Variants in YTHDC2 observed in about 807,000 individuals in gnomAD.
The protein encoded by YTHDC2 is 3'-5' RNA helicase YTHDC2.
Under a neutral mutation model 174.9 loss-of-function variants are expected in YTHDC2, and 45 were observed. The observed-to-expected ratio is 0.26, with a 90% confidence interval of 0.20 to 0.33. The LOEUF (loss-of-function observed/expected upper bound fraction) is 0.33. Among genes scored for constraint, YTHDC2 ranks in the 10% least tolerant of loss-of-function variants. The pLI is 1.00. For synonymous variants in YTHDC2, 657 were observed against 574.5 expected (o/e 1.14, Z -2.05); for missense variants, 1,650 against 1,723.7 (o/e 0.96, Z 0.76).
chr5:113,552,485 A>C (rs1776311760), intron 12 of YTHDC2, among the ~76,000 whole-genome samples: 1 of 152,146 alleles, frequency 6.6e-6, no homozygotes, highest in South Asian at 2.1e-4. Flanking sequence ...TTAGCATAAA[A>C]TATCCATGTT....
chr5:113,544,993 C>G (rs752416146), intron 10 of YTHDC2, among the ~76,000 whole-genome samples: 2 of 151,996 alleles, frequency 1.3e-5, no homozygotes, highest in Non-Finnish European at 2.9e-5. Context: ...ATTTAATCAT[C>G]ATGTACTTGT....
intron 9 of YTHDC2, 110 bp downstream of exon 9, chr5:113,541,226 C>A: frequency 8.1e-7 from 1 of 1,230,248 alleles, no homozygotes; most frequent in Non-Finnish European, 1.1e-6. Flanking sequence ...GAGTCTGGCT[C>A]TGTGGCCCAG....
chr5:113,579,644 T>G lies in YTHDC2; in HGVS notation c.3303T>G (p.Asn1101Lys). ...DSEMEDKTTA[N>K]LAALKLDEWL... The stretch of plus-strand genomic sequence containing the variant: ...AAATGGAGGACAAAACTACAGCTAA[T>G]TTGGCAGCCTTGAAACTTGATGAGT... Residue 1101 changes from asparagine (N) to lysine (K), a missense_variant, in exon 24 of 30, where the codon AAT (asparagine) becomes AAG (lysine). By Grantham distance (94) the Asn-to-Lys change is moderately conservative. Coordinates refer to ENST00000161863, the MANE Select transcript of YTHDC2 (RefSeq NM_022828.5). The G allele has an allele frequency of 6.2e-7, 1 of 1,610,996 alleles. No individual in the cohort carries two copies. The highest frequency in any genetic ancestry group is 8.5e-7 in the Non-Finnish European group (1 of 1,178,304).
At chr5:113,587,886 C>A (rs968144023) in intron 26 of YTHDC2, among the ~76,000 whole-genome samples, 4 of 151,746 alleles carry the variant, frequency 2.6e-5, no homozygotes, top group Non-Finnish European at 5.9e-5. Context: ...TCTTCTAATC[C>A]ATAAGCATAG....
At chr5:113,517,221 C>T (rs1773493151) in intron 2 of YTHDC2, among the ~76,000 whole-genome samples, 1 of 152,116 alleles carries the variant, frequency 6.6e-6, no homozygotes, top group South Asian at 2.1e-4. Context: ...TCAGTTTAAT[C>T]ACGTGATCAC....
intron 1 of YTHDC2, chr5:113,514,408 G>T: frequency 1.8e-6 from 1 of 541,848 alleles, no homozygotes; most frequent in South Asian, 1.6e-5. Flanking sequence ...CCCTTTTTAA[G>T]GGGGTGTCAC....
chr5:113,535,767 A>G lies in YTHDC2; in HGVS notation c.1071A>G (p.Ile357Met), dbSNP rs745383855. 2 of 1,611,842 alleles carry G rather than the reference A, an allele frequency of 1.2e-6. No individual in the cohort carries two copies. The highest frequency in any genetic ancestry group is 1.7e-6 in the Non-Finnish European group (2 of 1,179,244). ...SSAALDVNLF[I>M]RYFGSCPVIY... ...CTGCCTTGGATGTAAATCTCTTTAT[A>G]AGATATTTTGGAAGTTGTCCAGTGA... The change falls in exon 7 of 30, where the codon ATA becomes ATG. Residue 357 changes from isoleucine (I) to methionine (M), a missense_variant. By Grantham distance (10) the Ile-to-Met change is conservative. Transcript: ENST00000161863.
At position 113,594,429 on chromosome 5, in the gene YTHDC2, A is replaced by G. The variant is rs1159146765; in HGVS notation, c.*955A>G. The G allele has an allele frequency of 6.6e-6, 1 of 152,214 alleles. No homozygotes were observed. The highest frequency in any genetic ancestry group is 1.5e-5 in the Non-Finnish European group (1 of 68,020). 9.4% of individuals were successfully genotyped at this position (152,214 alleles called of 1,614,324 possible). ...CCAAACTAAAGCCTGCAAGCGCCAC[A>G]ATTCTAAGTGCCGCCTTCCATTTTT... On this transcript the variant is annotated 3_prime_UTR_variant, in exon 30 of 30. Transcript: ENST00000161863.
intron 18 of YTHDC2, 61 bp downstream of exon 18, chr5:113,561,246 C>G (rs930795826): frequency 1.5e-6 from 2 of 1,310,608 alleles, no homozygotes; most frequent in Admixed American, 1.9e-5. Flanking sequence ...GGGGCCATTT[C>G]AACTTCTATG....
chr5:113,587,746 C>A (rs1165809564), intron 26 of YTHDC2, among the ~76,000 whole-genome samples: 2 of 150,866 alleles, frequency 1.3e-5, no homozygotes, highest in Non-Finnish European at 3.0e-5. Flanking sequence ...TGTTCCAGGT[C>A]CTTTGTACTT....
intron 12 of YTHDC2, among the ~76,000 whole-genome samples, chr5:113,552,689 G>T (rs1776329846): frequency 6.6e-6 from 1 of 151,976 alleles, no homozygotes; most frequent in African/African-American, 2.4e-5. Flanking sequence ...GAGTGGAATT[G>T]CTGGGGCATA....
intron 2 of YTHDC2, among the ~76,000 whole-genome samples, chr5:113,524,084 A>G (rs1422190684): frequency 3.9e-5 from 6 of 152,128 alleles, no homozygotes; most frequent in African/African-American, 1.2e-4. Flanking sequence ...ATATATTACT[A>G]TTGTGTTGGG....
At chr5:113,579,452 G>C (rs1205222925) in intron 23 of YTHDC2, 134 bp from the exon 24 acceptor site, 9 of 533,810 alleles carry the variant, frequency 1.7e-5, no homozygotes, top group Non-Finnish European at 2.6e-5. Flanking sequence ...GATCTTTTGA[G>C]TTTGAAGGAC....
intron 25 of YTHDC2, chr5:113,582,906 C>A (rs942737828): frequency 3.3e-5 from 5 of 152,202 alleles, no homozygotes; most frequent in African/African-American, 1.2e-4. Context: ...CTGGTCTAGA[C>A]CCTGCTGAGA....
intron 25 of YTHDC2, chr5:113,584,019 A>G (rs1288103180): frequency 4.7e-6 from 1 of 214,576 alleles, no homozygotes; most frequent in Non-Finnish European, 9.1e-6. Flanking sequence ...CTTGGAGTTT[A>G]GATATAATCC....
intron 23 of YTHDC2, 100 bp downstream of exon 23, chr5:113,567,949 A>G: frequency 1.1e-6 from 1 of 941,284 alleles, no homozygotes; most frequent in Non-Finnish European, 1.5e-6. Context: ...AATTATAAAG[A>G]TTTATATAGT....
At chr5:113,570,982 G>C (rs958175084) in intron 23 of YTHDC2, among the ~76,000 whole-genome samples, 1 of 152,030 alleles carries the variant, frequency 6.6e-6, no homozygotes, top group African/African-American at 2.4e-5. Flanking sequence ...TTTTTCTCTG[G>C]CCTGATTTCC....
In YTHDC2 at chr5:113,594,962, T is replaced by C. The variant is rs1014225542; in HGVS notation, c.*1488T>C. Reference sequence around the variant, plus strand: ...TTAGCTTTGGGGTTTTCTTGTACTTTAAGACATACCTGTAAATTGAACCTA... The same window carrying C: ...TTAGCTTTGGGGTTTTCTTGTACTTCAAGACATACCTGTAAATTGAACCTA... On this transcript the variant is annotated 3_prime_UTR_variant, in exon 30 of 30. Coordinates refer to ENST00000161863, the MANE Select transcript of YTHDC2 (RefSeq NM_022828.5). The C allele has an allele frequency of 6.6e-6, 1 of 152,164 alleles. No individual in the cohort carries two copies. Among genetic ancestry groups the C allele is most frequent in the Non-Finnish European group, 1.5e-5 (1 of 68,016 alleles). 9.4% of individuals were successfully genotyped at this position (152,164 alleles called of 1,614,324 possible). A position where few individuals can be genotyped will look rare whatever the true frequency, so the allele number is the denominator to read the frequency against.
At chr5:113,528,956 T>G (rs1774473264) in intron 4 of YTHDC2, among the ~76,000 whole-genome samples, 1 of 152,198 alleles carries the variant, frequency 6.6e-6, no homozygotes, top group Admixed American at 6.5e-5. Context: ...TTTGTTTTTG[T>G]TCTCTTTACA....
Sources: allele counts gnomAD v4.1 joint callset (sites outside exome capture counted in the v4.1 genomes callset), GRCh38; gene constraint gnomAD v4.1.1; transcripts MANE v1.5; gene names NCBI Gene and HGNC (gene_info 2026-07-23, HGNC 2026-07-21).